The following GMEB1 variants were observed in gnomAD, a reference collection of about 807,000 sequenced individuals.
The protein encoded by GMEB1 is glucocorticoid modulatory element binding protein 1, also known as glucocorticoid modulatory element-binding protein 1.
Under a neutral mutation model 52.4 loss-of-function variants are expected in GMEB1, and 6 were observed. The ratio of observed to expected loss-of-function variants is 0.11; its 90% confidence interval spans 0.06 to 0.23. The LOEUF is 0.23. GMEB1 is among the 10% of genes least tolerant of loss of function. The pLI, the probability that GMEB1 is intolerant of heterozygous loss-of-function variation, is 1.00. For synonymous variants in GMEB1, 255 were observed against 244.9 expected, an observed-to-expected ratio of 1.04 and a Z score of -0.38; for missense variants, 486 against 685.6, an observed-to-expected ratio of 0.71 and a Z score of 3.25.
At chr1:28,679,378 C>G (rs1669295735) in intron 1 of GMEB1, among the ~76,000 whole-genome samples, 1 of 152,044 alleles carries the variant, frequency 6.6e-6, no homozygotes, top group Admixed American at 6.6e-5. Flanking sequence ...GGGTTTCACC[C>G]TGCTGGCCAA....
intron 1 of GMEB1, 116 bp from the exon 2 acceptor site, chr1:28,683,467 C>T (rs186178868): frequency 9.5e-5 from 73 of 772,060 alleles, no homozygotes; most frequent in East Asian, 1.6e-4. Flanking sequence ...TCAGGCGATC[C>T]GCCTGCCTAG....
Position 28,694,889 on chromosome 1 carries a change from C to G in GMEB1, c.440+1844C>G, listed in dbSNP as rs188499427. 7.8e-4 allele frequency among the ~76,000 whole-genome samples: 118 copies of G among 151,334 alleles called. 1 individual carries two copies. Among genetic ancestry groups the G allele is most frequent in the Admixed American group, 3.8e-3 (58 of 15,156 alleles). On this transcript the variant is annotated intron_variant, in intron 5 of 9. Transcript: ENST00000373816. ...ATATTGGTCAGGCTGGTCTCGAACT[C>G]CTGACCTCTTGATCTGCCCACCTCA...
chr1:28,713,552 T>C (rs1323538829), intron 9 of GMEB1, among the ~76,000 whole-genome samples: 1 of 152,224 alleles, frequency 6.6e-6, no homozygotes, highest in East Asian at 1.9e-4. Flanking sequence ...CTCTTTTAGT[T>C]CTGTAATTTT....
At chr1:28,713,954 A>G in intron 9 of GMEB1, 119 bp from the exon 10 acceptor site, 2 of 726,806 alleles carry the variant, frequency 2.8e-6, no homozygotes, top group South Asian at 3.5e-5. Context: ...CAATGTCACA[A>G]CTTGCCTGAA....
Position 28,716,990 on chromosome 1 carries a change from G to A in GMEB1, c.*2217G>A, listed in dbSNP as rs1300815946. ...GAAAGCACACACCTTAAGAGTGGGA[G>A]GAATATTTTTATTAAAAACAAAACT... On this transcript the variant is annotated 3_prime_UTR_variant, in exon 10 of 10. Coordinates refer to ENST00000373816, the MANE Select transcript of GMEB1 (RefSeq NM_001319674.2). 3 of 151,388 alleles carry A rather than the reference G, an allele frequency of 2.0e-5. No individual in the cohort carries two copies. Among genetic ancestry groups the A allele is most frequent in the Non-Finnish European group, 4.4e-5 (3 of 67,934 alleles). 9.4% of individuals were successfully genotyped at this position (151,388 alleles called of 1,614,324 possible). A position where few individuals can be genotyped will look rare whatever the true frequency, so the allele number is the denominator to read the frequency against.
chr1:28,680,887 TA>T (rs1259760853), intron 1 of GMEB1, among the ~76,000 whole-genome samples: 2 of 151,674 alleles, frequency 1.3e-5, no homozygotes, highest in Non-Finnish European at 1.5e-5. Context: ...CTACTAAAAA[TA>T]TAAAAATTAG....
chr1:28,678,410 C>T (rs1453997967), intron 1 of GMEB1, among the ~76,000 whole-genome samples: 2 of 150,860 alleles, frequency 1.3e-5, no homozygotes, highest in Non-Finnish European at 3.0e-5. Context: ...CTCTGGGGTT[C>T]GCCATTCTCC....
intron 8 of GMEB1, among the ~76,000 whole-genome samples, chr1:28,707,164 T>C (rs541423199): frequency 6.6e-6 from 1 of 151,188 alleles, no homozygotes; most frequent in African/African-American, 2.4e-5. Flanking sequence ...TTATATTTTT[T>C]GTAGAGACGG....
At chr1:28,683,112 G>A (rs1276312385) in intron 1 of GMEB1, among the ~76,000 whole-genome samples, 2 of 152,144 alleles carry the variant, frequency 1.3e-5, no homozygotes, top group African/African-American at 2.4e-5. Context: ...AAGGATCAGA[G>A]CCTGTGATAG....
At chr1:28,694,590 C>T (rs998681473) in intron 5 of GMEB1, among the ~76,000 whole-genome samples, 2 of 151,758 alleles carry the variant, frequency 1.3e-5, no homozygotes, top group Non-Finnish European at 2.9e-5. Context: ...ATCTCCTCAG[C>T]TCAAGCAGCC....
At chr1:28,705,670 C>T (rs1670720857) in intron 8 of GMEB1, among the ~76,000 whole-genome samples, 1 of 150,178 alleles carries the variant, frequency 6.7e-6, no homozygotes, top group African/African-American at 2.4e-5. Context: ...AGGCTGGTCT[C>T]AAACTCCTGA....
chr1:28,674,475 A>T (rs1045646350), intron 1 of GMEB1, among the ~76,000 whole-genome samples: 1 of 151,596 alleles, frequency 6.6e-6, no homozygotes, highest in African/African-American at 2.4e-5. Context: ...CTCACCTGCA[A>T]CCTCCGCCTC....
rs11578325 is a variant in GMEB1, at chr1:28,718,611, A to G, written c.*3838A>G. ...GCAACATCCCCAGCTCAGAAAACCA[A>G]AACTACACATTTCATTATAATTGTT... On this transcript the variant is annotated 3_prime_UTR_variant, in exon 10 of 10. Coordinates refer to ENST00000373816, the MANE Select transcript of GMEB1 (RefSeq NM_001319674.2). 57,955 of 152,088 alleles carry G rather than the reference A, an allele frequency of 0.38. 12,621 individuals are homozygous for G. Among genetic ancestry groups the G allele is most frequent in the East Asian group, 0.76 (3,951 of 5,168 alleles). The allele number at this position is 152,088 out of a possible 1,614,324, so 9.4% of individuals were successfully genotyped here.
chr1:28,678,573 T>C (rs1360066530), intron 1 of GMEB1, among the ~76,000 whole-genome samples: 1 of 152,110 alleles, frequency 6.6e-6, no homozygotes, highest in African/African-American at 2.4e-5. Flanking sequence ...CCTCCCAAAG[T>C]GCTGGGATTA....
At chr1:28,682,186 C>CT (rs1355044193) in intron 1 of GMEB1, among the ~76,000 whole-genome samples, 5 of 152,090 alleles carry the variant, frequency 3.3e-5, no homozygotes, top group African/African-American at 1.2e-4. Context: ...TTGGGGTCCT[C>CT]TGAGTTTTCA....
At chr1:28,681,997 C>T (rs911203873) in intron 1 of GMEB1, among the ~76,000 whole-genome samples, 6 of 152,090 alleles carry the variant, frequency 3.9e-5, no homozygotes, top group African/African-American at 9.7e-5. Context: ...AGCCACCACG[C>T]ACGGCCCTGA....
chr1:28,694,960 C>A (rs1017946436), intron 5 of GMEB1, among the ~76,000 whole-genome samples: 2 of 143,884 alleles, frequency 1.4e-5, no homozygotes, highest in African/African-American at 5.3e-5. Context: ...CCGTGGCCAG[C>A]CTTTTTTTTT....
chr1:28,698,448 G>A (rs1670333496), intron 6 of GMEB1, among the ~76,000 whole-genome samples: 1 of 150,186 alleles, frequency 6.7e-6, no homozygotes, highest in Non-Finnish European at 1.5e-5. Flanking sequence ...GGCCAAAGCG[G>A]GCAGATCTCA....
chr1:28,714,037 T>A, intron 9 of GMEB1, 36 bp from the exon 10 acceptor site: 1 of 1,486,048 alleles, frequency 6.7e-7, no homozygotes, highest in Non-Finnish European at 9.2e-7. Context: ...AAGATTTTAC[T>A]TCCCTCTACA....
Sources: allele counts gnomAD v4.1 joint callset (sites outside exome capture counted in the v4.1 genomes callset), GRCh38; gene constraint gnomAD v4.1.1; transcripts MANE v1.5; gene names NCBI Gene and HGNC (gene_info 2026-07-23, HGNC 2026-07-21).